Variants in DROSHA observed in about 807,000 individuals in gnomAD.
The protein encoded by DROSHA is ribonuclease 3.
DROSHA carries 56 observed loss-of-function variants against 181.9 expected under a neutral mutation model. The ratio of observed to expected loss-of-function variants is 0.31; its 90% CI spans 0.25 to 0.38. The LOEUF (loss-of-function observed/expected upper bound fraction) is 0.38, where lower values mean the gene tolerates loss of function less well. DROSHA is among the 10% of genes least tolerant of loss of function. The probability of loss-of-function intolerance (pLI) is 1.00; values close to 1 mark genes in which losing one functional copy is unlikely to be tolerated. For synonymous variants in DROSHA, 524 were observed against 591.2 expected (o/e 0.89, Z 1.65); for missense variants, 1,218 against 1,743.5 (o/e 0.70, Z 5.37).
At chr5:31,431,465 G>T in intron 26 of DROSHA, 111 bp downstream of exon 26, 2 of 982,806 alleles carry the variant, frequency 2.0e-6, no homozygotes, top group Non-Finnish European at 1.5e-6. Flanking sequence ...GGAACCTCAT[G>T]TGCTTTGGGA....
At chr5:31,421,907 A>ATATATATATATATGCGCCATATATAT (rs1742749595) in intron 29 of DROSHA, 3 of 64,788 alleles carry the variant, frequency 4.6e-5, no homozygotes, top group Non-Finnish European at 7.3e-5. Context: ...ATATATATAT[A>ATATATATATATATGCGCCATATATAT]AAAATTAGCC....
chr5:31,416,689 C>A (rs1234772515), intron 30 of DROSHA, among the ~76,000 whole-genome samples: 1 of 152,138 alleles, frequency 6.6e-6, no homozygotes, highest in East Asian at 1.9e-4. Flanking sequence ...TACACAAAGG[C>A]CTGCTGGCAG....
At chr5:31,410,093 T>C (rs1579985335) in intron 31 of DROSHA, among the ~76,000 whole-genome samples, 1 of 152,194 alleles carries the variant, frequency 6.6e-6, no homozygotes, top group East Asian at 1.9e-4. Context: ...CTTTGCACTT[T>C]GTAAATAAGC....
At chr5:31,425,625 C>T (rs1042991182) in intron 27 of DROSHA, among the ~76,000 whole-genome samples, 13 of 152,118 alleles carry the variant, frequency 8.5e-5, no homozygotes, top group African/African-American at 3.1e-4. Flanking sequence ...ATTACTCATT[C>T]ACTTCTGCTG....
At chr5:31,420,203 A>G (rs1394607502) in intron 30 of DROSHA, among the ~76,000 whole-genome samples, 1 of 152,232 alleles carries the variant, frequency 6.6e-6, no homozygotes, top group Non-Finnish European at 1.5e-5. Context: ...AGCAGAACAC[A>G]CATAAAAACT....
intron 13 of DROSHA, among the ~76,000 whole-genome samples, chr5:31,488,397 A>G (rs1482574717): frequency 6.2e-5 from 9 of 146,252 alleles, no homozygotes; most frequent in African/African-American, 2.3e-4. Flanking sequence ...TGGGCAAAAG[A>G]GCAAAACTCT....
At chr5:31,499,459 C>G (rs1415542045) in intron 11 of DROSHA, among the ~76,000 whole-genome samples, 2 of 152,174 alleles carry the variant, frequency 1.3e-5, no homozygotes, top group African/African-American at 4.8e-5. Flanking sequence ...GTAAGTGGAA[C>G]ACAGACAGCC....
At chr5:31,405,155 T>A (rs1320495640) in intron 35 of DROSHA, among the ~76,000 whole-genome samples, 2 of 151,932 alleles carry the variant, frequency 1.3e-5, no homozygotes, top group Non-Finnish European at 2.9e-5. Flanking sequence ...TCATCTGAGG[T>A]TAGGAGTTCC....
intron 20 of DROSHA, among the ~76,000 whole-genome samples, chr5:31,451,866 T>A (rs1164003886): frequency 6.6e-6 from 1 of 152,234 alleles, no homozygotes; most frequent in East Asian, 1.9e-4. Flanking sequence ...AATCCTGCTC[T>A]GCCACTCATT....
chr5:31,439,235 G>C (rs1415374539), intron 23 of DROSHA, among the ~76,000 whole-genome samples: 2 of 152,162 alleles, frequency 1.3e-5, no homozygotes. Context: ...AAATAAACAA[G>C]TCATAAGTTT....
chr5:31,508,048 G>T (rs1738193101), intron 10 of DROSHA, among the ~76,000 whole-genome samples: 1 of 151,984 alleles, frequency 6.6e-6, no homozygotes, highest in African/African-American at 2.4e-5. Flanking sequence ...AACTTTACAT[G>T]CATTAAAGAT....
In DROSHA at chr5:31,448,644, G is replaced by A. The variant is rs770248950; in HGVS notation, c.2822-37C>T. 1.6e-5 allele frequency: 24 copies of A among 1,500,684 alleles called. No homozygotes were observed. The African/African-American group carries it at 1.8e-4, about 11-fold the overall frequency. 93.0% of individuals were successfully genotyped at this position (1,500,684 alleles called of 1,614,324 possible). On this transcript the variant is annotated intron_variant, in intron 22 of 35. Transcript: ENST00000344624. ...AAAAAACAAATACACAAGTAAATAC[G>A]GATAGAAGAATTATAGGACCATCAT...
At chr5:31,509,897 G>T (rs1471530135) in intron 9 of DROSHA, among the ~76,000 whole-genome samples, 1 of 152,106 alleles carries the variant, frequency 6.6e-6, no homozygotes, top group African/African-American at 2.4e-5. Context: ...GGTCTGGGGA[G>T]TTATTCCTTA....
At chr5:31,465,140 T>C (rs1352167577) in intron 19 of DROSHA, among the ~76,000 whole-genome samples, 1 of 152,224 alleles carries the variant, frequency 6.6e-6, no homozygotes, top group African/African-American at 2.4e-5. Context: ...CTGATTGGCC[T>C]AAATCACAGT....
At chr5:31,439,348 G>C (rs1745273809) in intron 23 of DROSHA, among the ~76,000 whole-genome samples, 1 of 152,120 alleles carries the variant, frequency 6.6e-6, no homozygotes, top group Admixed American at 6.5e-5. Context: ...CTGTCACTTA[G>C]TAGCCATGTG....
chr5:31,437,512 C>T (rs750564482), intron 23 of DROSHA, among the ~76,000 whole-genome samples: 4 of 151,956 alleles, frequency 2.6e-5, no homozygotes, highest in African/African-American at 9.7e-5. Flanking sequence ...CTTCATATCA[C>T]GGGGGTCAGG....
rs560499546 is a variant in DROSHA, at chr5:31,414,046, G to C, written c.3526-3159C>G. ...AGAGCAGCTATGGCAAATGCAAGGG[G>C]CCATTACACAGCAAGGTGACCACTG... is the stretch of plus-strand genomic sequence containing the variant. On this transcript the variant is annotated intron_variant, in intron 30 of 35. Transcript: ENST00000344624. 2.6e-5 allele frequency among the ~76,000 whole-genome samples: 4 copies of C among 152,276 alleles called. No individual in the cohort carries two copies. In the South Asian group the frequency reaches 8.3e-4, roughly 32 times the overall value.
chr5:31,428,913 T>C (rs1490036451), intron 27 of DROSHA, among the ~76,000 whole-genome samples: 1 of 152,212 alleles, frequency 6.6e-6, no homozygotes, highest in Non-Finnish European at 1.5e-5. Context: ...TAGCTTAATA[T>C]TTAAGTAACA....
In DROSHA at chr5:31,526,086, G is replaced by C. The variant is rs970773905; in HGVS notation, c.847C>G (p.Arg283Gly). 1.9e-6 allele frequency: 3 copies of C among 1,588,670 alleles called. No individual in the cohort carries two copies. In the African/African-American group the frequency reaches 4.0e-5, roughly 21 times the overall value. The change falls in exon 5 of 36, where the codon CGG becomes GGG. Residue 283 changes from arginine (R) to glycine (G), a missense_variant. This residue lies in a region of DROSHA where 536 missense variants were observed against 535.4 expected (regional missense o/e 1.00). Transcript: ENST00000344624. ...TACACACAAGCGGTTTACCTGCTCC[G>C]TTCGTAGCTGCGGTGGCGAGATGGT... Reference protein sequence around the residue: ...RTPSRHRSYERSRERERERHR... With the variant: ...RTPSRHRSYEGSRERERERHR...
Sources: gnomAD v4.1 joint callset for allele counts (sites outside exome capture counted in the v4.1 genomes callset) on GRCh38, gnomAD v4.1.1 for gene constraint, gnomAD v4.1.1 regional missense constraint, MANE v1.5 for transcripts, NCBI Gene and HGNC (gene_info 2026-07-23, HGNC 2026-07-21) for gene names.